SETD2: variants seen among roughly 807,000 people sequenced by gnomAD.
SETD2 encodes SET domain containing 2, histone lysine methyltransferase.
SETD2 carries 31 observed loss-of-function variants against 242.1 expected under a neutral mutation model. The ratio of observed to expected loss-of-function variants is 0.13; its 90% CI spans 0.10 to 0.17. SETD2 has a LOEUF of 0.17. SETD2 is among the 10% of genes least tolerant of loss of function. The pLI, the probability that SETD2 is intolerant of heterozygous loss-of-function variation, is 1.00. For synonymous variants in SETD2, 1,006 were observed against 1,066.5 expected (o/e 0.94, Z 1.11); for missense variants, 2,481 against 3,046.3 (o/e 0.81, Z 4.37).
At chr3:47,035,174 CT>C (rs1034898907) in intron 18 of SETD2, among the ~76,000 whole-genome samples, 2 of 152,114 alleles carry the variant, frequency 1.3e-5, no homozygotes, top group Non-Finnish European at 2.9e-5. Flanking sequence ...ACCTTGGGAC[CT>C]TGTATCACTT....
At chr3:47,112,481 C>T (rs2042696132) in intron 5 of SETD2, among the ~76,000 whole-genome samples, 1 of 152,142 alleles carries the variant, frequency 6.6e-6, no homozygotes, top group African/African-American at 2.4e-5. Context: ...AGGGTTTCAC[C>T]ACATTGGCCA....
intron 1 of SETD2, among the ~76,000 whole-genome samples, chr3:47,161,822 G>A (rs1432008447): frequency 6.6e-6 from 1 of 151,294 alleles, no homozygotes; most frequent in Non-Finnish European, 1.5e-5. Flanking sequence ...GAGGCAGGAG[G>A]ACTGCTTAAG....
At chr3:47,076,159 CT>C (rs1196349374) in intron 12 of SETD2, among the ~76,000 whole-genome samples, 2 of 152,114 alleles carry the variant, frequency 1.3e-5, no homozygotes, top group African/African-American at 4.8e-5. Flanking sequence ...ACAGGAAAGA[CT>C]TTCCGGGGGG....
chr3:47,033,573 G>A (rs2038870571), intron 18 of SETD2, among the ~76,000 whole-genome samples: 1 of 149,956 alleles, frequency 6.7e-6, no homozygotes, highest in Non-Finnish European at 1.5e-5. Flanking sequence ...TTGTATATGT[G>A]AATTTCTGAC....
intron 1 of SETD2, among the ~76,000 whole-genome samples, chr3:47,146,633 A>G (rs1217549114): frequency 6.6e-6 from 1 of 151,670 alleles, no homozygotes; most frequent in Non-Finnish European, 1.5e-5. Context: ...TCTAAAAAAA[A>G]AAAAAAAAAT....
At chr3:47,071,690 A>AC (rs557306885) in intron 12 of SETD2, among the ~76,000 whole-genome samples, 109 of 152,192 alleles carry the variant, frequency 7.2e-4, no homozygotes, top group African/African-American at 2.6e-3. Context: ...AAAAAAAAAA[A>AC]CAAATAAAAG....
At chr3:47,140,034 T>C (rs1462596513) in intron 1 of SETD2, among the ~76,000 whole-genome samples, 1 of 152,110 alleles carries the variant, frequency 6.6e-6, no homozygotes, top group East Asian at 1.9e-4. Flanking sequence ...ACCCCAAAAA[T>C]AGCTGAAACT....
chr3:47,155,318 T>C (rs576740486), intron 1 of SETD2, among the ~76,000 whole-genome samples: 1 of 152,276 alleles, frequency 6.6e-6, no homozygotes, highest in South Asian at 2.1e-4. Context: ...ATCAGATATT[T>C]AGGAAAGAAA....
intron 1 of SETD2, among the ~76,000 whole-genome samples, chr3:47,147,847 C>T (rs977413573): frequency 1.4e-5 from 2 of 143,556 alleles, no homozygotes; most frequent in African/African-American, 2.6e-5. Context: ...GGCATGAACC[C>T]GGGAGGCGGA....
At chr3:47,100,745 T>C (rs2042177787) in intron 8 of SETD2, among the ~76,000 whole-genome samples, 1 of 151,836 alleles carries the variant, frequency 6.6e-6, no homozygotes, top group Non-Finnish European at 1.5e-5. Context: ...GCGCAGTGGC[T>C]CAAGCCTGTA....
intron 1 of SETD2, among the ~76,000 whole-genome samples, chr3:47,160,378 G>A (rs1181956739): frequency 6.6e-6 from 1 of 151,360 alleles, no homozygotes; most frequent in East Asian, 1.9e-4. Flanking sequence ...CTCAGCTCAC[G>A]GCAACCTCCG....
chr3:47,119,175 T>C (rs1163513523), intron 3 of SETD2, among the ~76,000 whole-genome samples: 1 of 152,176 alleles, frequency 6.6e-6, no homozygotes, highest in Non-Finnish European at 1.5e-5. Flanking sequence ...TTTGGTTTTT[T>C]AAGCACAATC....
chr3:47,028,990 T>C, intron 18 of SETD2: 1 of 218,038 alleles, frequency 4.6e-6, no homozygotes, highest in South Asian at 6.2e-5. Context: ...AGATTTGTTG[T>C]AGACTAGCTC....
At chr3:47,128,741 C>T (rs1559755219) in intron 1 of SETD2, among the ~76,000 whole-genome samples, 2 of 152,222 alleles carry the variant, frequency 1.3e-5, no homozygotes, top group East Asian at 3.9e-4. Context: ...ACATTTTGCC[C>T]ACAGGATGCA....
chr3:47,058,799 A>C (rs1424649805), intron 14 of SETD2, among the ~76,000 whole-genome samples: 1 of 145,082 alleles, frequency 6.9e-6, no homozygotes, highest in Admixed American at 6.9e-5. Flanking sequence ...GCACAGGGGA[A>C]TTTTTTTTTT....
At chr3:47,050,510 C>G (rs958435493) in intron 15 of SETD2, among the ~76,000 whole-genome samples, 1 of 152,008 alleles carries the variant, frequency 6.6e-6, no homozygotes, top group Non-Finnish European at 1.5e-5. Context: ...TCAGAAATCC[C>G]AAATGCTACA....
At chr3:47,111,689 G>C (rs1361823398) in intron 5 of SETD2, among the ~76,000 whole-genome samples, 3 of 151,282 alleles carry the variant, frequency 2.0e-5, no homozygotes, top group Admixed American at 6.6e-5. Context: ...AAAACATGTT[G>C]CTTTCTGATT....
intron 1 of SETD2, among the ~76,000 whole-genome samples, chr3:47,158,903 A>G (rs1485865805): frequency 1.3e-5 from 2 of 152,196 alleles, no homozygotes; most frequent in Admixed American, 6.6e-5. Context: ...CCGAAGAGGT[A>G]ATTTTCCCAA....
intron 1 of SETD2, among the ~76,000 whole-genome samples, chr3:47,151,458 G>A (rs1428578639): frequency 6.6e-6 from 1 of 152,084 alleles, no homozygotes; most frequent in Non-Finnish European, 1.5e-5. Flanking sequence ...GCACACATAC[G>A]CACAACTGGA....
Sources: allele counts gnomAD v4.1 joint callset (sites outside exome capture counted in the v4.1 genomes callset), GRCh38; gene constraint gnomAD v4.1.1; transcripts MANE v1.5; gene names NCBI Gene and HGNC (gene_info 2026-07-23, HGNC 2026-07-21).